The following PLD5 variants were observed in gnomAD, a reference collection of about 807,000 sequenced individuals.
The protein encoded by PLD5 is inactive phospholipase D5.
PLD5 carries 36 observed loss-of-function variants against 61.1 expected under a neutral mutation model. The ratio of observed to expected loss-of-function variants is 0.59; its 90% CI spans 0.45 to 0.78. The LOEUF (loss-of-function observed/expected upper bound fraction) is 0.78, where lower values mean the gene tolerates loss of function less well. Among genes scored for constraint, PLD5 ranks in the 30% least tolerant of loss-of-function variants. The pLI is 0.00. For synonymous variants in PLD5, 243 were observed against 242.8 expected, an observed-to-expected ratio of 1.00 and a Z score of -0.01; for missense variants, 515 against 644.4, an observed-to-expected ratio of 0.80 and a Z score of 2.17.
At chr1:242,300,201 G>A (rs1183976141) in intron 2 of PLD5, among the ~76,000 whole-genome samples, 1 of 152,162 alleles carries the variant, frequency 6.6e-6, no homozygotes, top group Admixed American at 6.5e-5. Flanking sequence ...CACTTTGGGA[G>A]GCCAAGGCGG....
Position 242,211,084 on chromosome 1 carries a change from G to A in PLD5, c.735+8904C>T, listed in dbSNP as rs74150860. Among the ~76,000 whole-genome samples the A allele has an allele frequency of 8.5e-3, 1,290 of 152,300 alleles. 17 individuals are homozygous for A. Among genetic ancestry groups the A allele is most frequent in the African/African-American group, 0.03 (1,236 of 41,564 alleles). ...ATAGAGAAGCTGCAGTAGTTATCCAGGAGACCTAGCTGGGATCATCGATGA... is the reference window on the plus strand; with the variant it reads ...ATAGAGAAGCTGCAGTAGTTATCCAAGAGACCTAGCTGGGATCATCGATGA... On this transcript the variant is annotated intron_variant, in intron 5 of 9. Transcript: ENST00000536534.
At chr1:242,373,835 G>GATAT (rs144347813) in intron 1 of PLD5, among the ~76,000 whole-genome samples, 30 of 151,604 alleles carry the variant, frequency 2.0e-4, no homozygotes, top group Non-Finnish European at 2.5e-4. Flanking sequence ...AGCATTAGGA[G>GATAT]ATATATATAT....
intron 5 of PLD5, among the ~76,000 whole-genome samples, chr1:242,172,575 T>C (rs1004558601): frequency 1.3e-5 from 2 of 152,048 alleles, no homozygotes; most frequent in Admixed American, 6.6e-5. Flanking sequence ...TTCAAAAAAA[T>C]CAATGAATCC....
chr1:242,494,286 A>T (rs1435712914), intron 1 of PLD5, among the ~76,000 whole-genome samples: 3 of 152,040 alleles, frequency 2.0e-5, no homozygotes, highest in African/African-American at 7.2e-5. Flanking sequence ...TGTTCTGTAC[A>T]CCAGGCACAC....
chr1:242,151,643 T>A (rs1168310428), intron 5 of PLD5, among the ~76,000 whole-genome samples: 1 of 152,066 alleles, frequency 6.6e-6, no homozygotes, highest in Admixed American at 6.6e-5. Flanking sequence ...CTTGTTTGCT[T>A]TGTGTATTCT....
chr1:242,325,500 AG>A (rs1293786930), intron 2 of PLD5, among the ~76,000 whole-genome samples: 1 of 151,798 alleles, frequency 6.6e-6, no homozygotes, highest in South Asian at 2.1e-4. Flanking sequence ...GAGAGAAGAG[AG>A]AGAGAGAGAG....
At chr1:242,181,048 A>G (rs1667486992) in intron 5 of PLD5, among the ~76,000 whole-genome samples, 2 of 152,232 alleles carry the variant, frequency 1.3e-5, no homozygotes, top group African/African-American at 2.4e-5. Flanking sequence ...CCCAGGTGGT[A>G]AAGCAGCTGC....
intron 2 of PLD5, among the ~76,000 whole-genome samples, chr1:242,346,226 GCA>G (rs1660129317): frequency 1.3e-5 from 2 of 151,358 alleles, no homozygotes; most frequent in Non-Finnish European, 2.9e-5. Context: ...AATTCCAGTT[GCA>G]TGAATTAAAA....
intron 1 of PLD5, among the ~76,000 whole-genome samples, chr1:242,432,518 A>G (rs911760218): frequency 2.0e-5 from 3 of 152,186 alleles, no homozygotes; most frequent in African/African-American, 7.2e-5. Context: ...GTCTTTAGAA[A>G]TCTGTCGTCT....
chr1:242,460,577 CCTCT>C (rs754904022), intron 1 of PLD5, among the ~76,000 whole-genome samples: 4 of 151,864 alleles, frequency 2.6e-5, no homozygotes, highest in Non-Finnish European at 5.9e-5. Context: ...TCATACTCTT[CCTCT>C]CTATCTACTG....
At chr1:242,510,646 C>T (rs1299536293) in intron 1 of PLD5, among the ~76,000 whole-genome samples, 1 of 151,914 alleles carries the variant, frequency 6.6e-6, no homozygotes, top group Non-Finnish European at 1.5e-5. Flanking sequence ...GAGATCGAGA[C>T]CATTCTGGAT....
chr1:242,096,906 C>A (rs1012488023), intron 9 of PLD5, among the ~76,000 whole-genome samples: 2 of 151,854 alleles, frequency 1.3e-5, no homozygotes, highest in Admixed American at 1.3e-4. Context: ...CCCCCTCCCC[C>A]TCCCCACAAC....
chr1:242,095,164 T>C (rs1660126387), intron 9 of PLD5, among the ~76,000 whole-genome samples: 1 of 152,074 alleles, frequency 6.6e-6, no homozygotes, highest in African/African-American at 2.4e-5. Context: ...CTCTATCTCC[T>C]GACCTTGTGA....
At chr1:242,477,172 C>T (rs1243338722) in intron 1 of PLD5, among the ~76,000 whole-genome samples, 4 of 151,972 alleles carry the variant, frequency 2.6e-5, no homozygotes, top group Admixed American at 6.6e-5. Flanking sequence ...ATTGCTTGAA[C>T]CTGGGAGGTA....
At chr1:242,234,659 G>A (rs748901480) in intron 4 of PLD5, among the ~76,000 whole-genome samples, 14 of 151,982 alleles carry the variant, frequency 9.2e-5, no homozygotes, top group Admixed American at 6.6e-4. Context: ...GACCCACTTC[G>A]GTTTTCTTGC....
chr1:242,472,484 G>A (rs1247254215), intron 1 of PLD5, among the ~76,000 whole-genome samples: 1 of 152,168 alleles, frequency 6.6e-6, no homozygotes, highest in African/African-American at 2.4e-5. Context: ...TTCTGGGCAA[G>A]GACTGCTTAC....
At chr1:242,295,769 G>A (rs1366096943) in intron 2 of PLD5, among the ~76,000 whole-genome samples, 2 of 152,144 alleles carry the variant, frequency 1.3e-5, no homozygotes, top group Non-Finnish European at 2.9e-5. Context: ...CAGCGTGTAA[G>A]CATTTCCTTT....
chr1:242,425,938 C>T (rs1014473145), intron 1 of PLD5, among the ~76,000 whole-genome samples: 5 of 151,970 alleles, frequency 3.3e-5, no homozygotes, highest in South Asian at 4.1e-4. Context: ...CCACTGCACC[C>T]GGCCAGCTTA....
chr1:242,233,535 A>AAG (rs138304569), intron 4 of PLD5, among the ~76,000 whole-genome samples: 2 of 151,084 alleles, frequency 1.3e-5, no homozygotes, highest in East Asian at 4.1e-4. Context: ...AGGCTAAAGG[A>AAG]AGAGAGAGAG....
Sources: gnomAD v4.1 joint callset for allele counts (sites outside exome capture counted in the v4.1 genomes callset) on GRCh38, gnomAD v4.1.1 for gene constraint, MANE v1.5 for transcripts, NCBI Gene and HGNC (gene_info 2026-07-23, HGNC 2026-07-21) for gene names.